QTMAN: variants seen among roughly 807,000 people sequenced by gnomAD.
QTMAN encodes the protein tRNA-queuosine alpha-mannosyltransferase.
chr2:144,327,724 A>T, the QTMAN span, among the ~76,000 whole-genome samples: 6 of 152,020 alleles, frequency 3.9e-5, no homozygotes, highest in Non-Finnish European at 7.4e-5. Flanking sequence ...GCTCTGCAAG[A>T]CCCCAACCAC....
At chr2:144,056,457 C>G in the QTMAN span, among the ~76,000 whole-genome samples, 1 of 152,208 alleles carries the variant, frequency 6.6e-6, no homozygotes, top group Non-Finnish European at 1.5e-5. Context: ...ATTCTTTGCT[C>G]CAGCACTTCT....
chr2:144,117,087 C>T, the QTMAN span, among the ~76,000 whole-genome samples: 4 of 152,226 alleles, frequency 2.6e-5, no homozygotes, highest in East Asian at 1.9e-4. Context: ...GACAGCACCC[C>T]GCATACCACC....
the QTMAN span, among the ~76,000 whole-genome samples, chr2:144,247,809 T>A: frequency 2.0e-4 from 31 of 152,050 alleles, no homozygotes; most frequent in Admixed American, 2.0e-4. Flanking sequence ...CCCTAAGTAG[T>A]TGGGACTACA....
At chr2:144,125,149 T>C in the QTMAN span, among the ~76,000 whole-genome samples, 3 of 151,976 alleles carry the variant, frequency 2.0e-5, no homozygotes, top group African/African-American at 7.3e-5. Flanking sequence ...CTCGACAAGC[T>C]CCAGCCATTA....
At chr2:144,274,634 G>A in the QTMAN span, among the ~76,000 whole-genome samples, 4 of 152,308 alleles carry the variant, frequency 2.6e-5, no homozygotes, top group African/African-American at 9.6e-5. Context: ...CTGGGAAGGT[G>A]GTACGCCCAG....
chr2:144,196,411 A>G, the QTMAN span, among the ~76,000 whole-genome samples: 1 of 152,198 alleles, frequency 6.6e-6, no homozygotes, highest in East Asian at 1.9e-4. Flanking sequence ...CAGTCTGAAT[A>G]CAAATAAATA....
chr2:144,327,683 T>C, the QTMAN span, among the ~76,000 whole-genome samples: 12 of 152,156 alleles, frequency 7.9e-5, no homozygotes, highest in Non-Finnish European at 1.8e-4. Context: ...TCTGGTGATG[T>C]GAGTCCAGAA....
the QTMAN span, among the ~76,000 whole-genome samples, chr2:144,271,370 T>C: frequency 1.3e-5 from 2 of 152,190 alleles, no homozygotes; most frequent in Non-Finnish European, 2.9e-5. Context: ...CACTACAATC[T>C]AAATATTGAA....
the QTMAN span, among the ~76,000 whole-genome samples, chr2:144,148,585 G>A: frequency 6.6e-6 from 1 of 151,820 alleles, no homozygotes; most frequent in Non-Finnish European, 1.5e-5. Context: ...TATTCCAACT[G>A]TTAATTTCTA....
the QTMAN span, among the ~76,000 whole-genome samples, chr2:144,135,964 T>C: frequency 6.6e-6 from 1 of 152,072 alleles, no homozygotes; most frequent in Admixed American, 6.6e-5. Context: ...ATACAGAGCA[T>C]AGAGTAATAA....
At chr2:143,992,912 T>G in the QTMAN span, among the ~76,000 whole-genome samples, 1 of 152,164 alleles carries the variant, frequency 6.6e-6, no homozygotes, top group Non-Finnish European at 1.5e-5. Context: ...AGAATAGTAA[T>G]GATTTCCACC....
the QTMAN span, among the ~76,000 whole-genome samples, chr2:144,106,682 C>T: frequency 6.6e-6 from 1 of 152,160 alleles, no homozygotes; most frequent in Non-Finnish European, 1.5e-5. Context: ...CCACTGTCAA[C>T]ATTAGACAGA....
the QTMAN span, among the ~76,000 whole-genome samples, chr2:144,035,368 A>T: frequency 6.6e-6 from 1 of 152,204 alleles, no homozygotes; most frequent in Non-Finnish European, 1.5e-5. Flanking sequence ...TGCAAGAATG[A>T]ACTAATAGAG....
chr2:143,991,701 C>T, the QTMAN span, among the ~76,000 whole-genome samples: 3 of 143,378 alleles, frequency 2.1e-5, no homozygotes, highest in African/African-American at 7.8e-5. Flanking sequence ...GGTCAGCCCG[C>T]CGCCCGGCCA....
chr2:144,071,750 C>G, the QTMAN span, among the ~76,000 whole-genome samples: 1 of 152,122 alleles, frequency 6.6e-6, no homozygotes, highest in Non-Finnish European at 1.5e-5. Context: ...ATACTCTGTC[C>G]TCCTGCCTTG....
chr2:144,190,095 T>C, the QTMAN span, among the ~76,000 whole-genome samples: 1 of 152,348 alleles, frequency 6.6e-6, no homozygotes, highest in African/African-American at 2.4e-5. Flanking sequence ...TATCTTTTAT[T>C]GGTATTCAAT....
the QTMAN span, among the ~76,000 whole-genome samples, chr2:144,147,404 T>C: frequency 6.6e-6 from 1 of 151,830 alleles, no homozygotes; most frequent in African/African-American, 2.4e-5. Context: ...TATAAGCCTC[T>C]CTAAAACTTA....
At chr2:144,184,663 ATAAAT>A in the QTMAN span, among the ~76,000 whole-genome samples, 1 of 152,158 alleles carries the variant, frequency 6.6e-6, no homozygotes, top group East Asian at 1.9e-4. Context: ...ACTAAATATA[ATAAAT>A]TAACCAAAAA....
At chr2:144,246,579 CAAAAAAAAAAAAA>C in the QTMAN span, among the ~76,000 whole-genome samples, 2 of 47,072 alleles carry the variant, frequency 4.2e-5, no homozygotes, top group Non-Finnish European at 4.2e-5. Flanking sequence ...GACTCCGTCT[CAAAAAAAAAAAAA>C]AAAAAAAAAA....
Sources: gnomAD v4.1 joint callset for allele counts (sites outside exome capture counted in the v4.1 genomes callset) on GRCh38, gnomAD v4.1.1 for gene constraint, MANE v1.5 for transcripts, NCBI Gene and HGNC (gene_info 2026-07-23, HGNC 2026-07-21) for gene names.